DRAXIN: variants seen among roughly 807,000 people sequenced by gnomAD.
DRAXIN encodes the protein dorsal repulsive axon guidance protein.
Under a neutral mutation model 33.9 loss-of-function variants are expected in DRAXIN, and 27 were observed. The observed-to-expected ratio is 0.80, with a 90% CI of 0.59 to 1.10. The LOEUF is 1.10. DRAXIN is among the 50% of genes least tolerant of loss of function. The pLI is 0.00. For synonymous variants in DRAXIN, 178 were observed against 194.0 expected, an observed-to-expected ratio of 0.92 and a Z score of 0.69; for missense variants, 371 against 460.8, an observed-to-expected ratio of 0.81 and a Z score of 1.78.
At position 11,722,136 on chromosome 1, in the gene DRAXIN, A is replaced by C. The variant is rs1557695632; in HGVS notation, c.*2440A>C. ...GACTCCAAAAATATAAAACACTTAA[A>C]AATGTAAAAAGGCAGATCTGCCAGC... On this transcript the variant is annotated 3_prime_UTR_variant, in exon 7 of 7. Transcript: ENST00000294485. 6.6e-6 allele frequency: 1 copy of C among 152,162 alleles called. No individual in the cohort carries two copies. The highest frequency in any genetic ancestry group is 1.5e-5 in the Non-Finnish European group (1 of 68,042). 9.4% of individuals were successfully genotyped at this position (152,162 alleles called of 1,614,324 possible). A position where few individuals can be genotyped will look rare whatever the true frequency, so the allele number is the denominator to read the frequency against.
chr1:11,701,297 C>T (rs1641270735), intron 1 of DRAXIN, among the ~76,000 whole-genome samples: 1 of 152,188 alleles, frequency 6.6e-6, no homozygotes, highest in Middle Eastern at 3.2e-3. Context: ...GAACCCCGGC[C>T]TTGAGATGGG....
In DRAXIN at chr1:11,724,864, A is replaced by G. The variant is rs1393329559; in HGVS notation, c.*5168A>G. The G allele has an allele frequency of 6.6e-6, 1 of 152,324 alleles. No individual in the cohort carries two copies. The highest frequency in any genetic ancestry group is 1.5e-5 in the Non-Finnish European group (1 of 68,094). 9.4% of individuals were successfully genotyped at this position (152,324 alleles called of 1,614,324 possible). ...GTGATAGTCTTCACTCTGACAGGCAATGGTGACTGTGTGTGTTTCCTGGGG... is the reference window on the plus strand; with the variant it reads ...GTGATAGTCTTCACTCTGACAGGCAGTGGTGACTGTGTGTGTTTCCTGGGG... On this transcript the variant is annotated 3_prime_UTR_variant, in exon 7 of 7. Transcript: ENST00000294485.
chr1:11,695,025 C>A (rs576835949), intron 1 of DRAXIN, among the ~76,000 whole-genome samples: 1 of 152,314 alleles, frequency 6.6e-6, no homozygotes, highest in Admixed American at 6.5e-5. Flanking sequence ...GTGTACCAGG[C>A]TCTGGGTCAG....
chr1:11,701,514 C>T (rs752842026), intron 1 of DRAXIN, among the ~76,000 whole-genome samples: 3 of 152,192 alleles, frequency 2.0e-5, no homozygotes, highest in Admixed American at 6.5e-5. Context: ...CCTACAATTA[C>T]GATTGCTTTT....
Position 11,711,837 on chromosome 1 carries a change from T to C in DRAXIN, c.643-14T>C. The C allele has an allele frequency of 6.2e-7, 1 of 1,606,558 alleles. No homozygotes were observed. The highest frequency in any genetic ancestry group is 8.5e-7 in the Non-Finnish European group (1 of 1,175,810). The stretch of plus-strand genomic sequence containing the variant: ...TTTGAAGGTTCCAACATCCCCCTTC[T>C]CCACGGTCTCCAGCAGGCACAGCCC... On this transcript the variant is annotated splice_polypyrimidine_tract_variant and intron_variant, in intron 3 of 6. Transcript: ENST00000294485.
intron 5 of DRAXIN, among the ~76,000 whole-genome samples, chr1:11,713,181 A>C (rs903276286): frequency 3.4e-5 from 5 of 145,914 alleles, no homozygotes; most frequent in African/African-American, 8.0e-5. Flanking sequence ...CTGGGCAATA[A>C]GAGTGAAATT....
In DRAXIN at chr1:11,712,016, G is replaced by A. The variant is rs545061376; in HGVS notation, c.757+51G>A. On this transcript the variant is annotated intron_variant, in intron 4 of 6. Transcript: ENST00000294485. Reference sequence around the variant, plus strand: ...CCATGCCTGGGTGCCCTGCCCTCCCGCACCATCTGTTGAGGTGGGGGCCCC... The same window carrying A: ...CCATGCCTGGGTGCCCTGCCCTCCCACACCATCTGTTGAGGTGGGGGCCCC... 3.0e-5 allele frequency: 47 copies of A among 1,542,054 alleles called. No individual in the cohort carries two copies. The African/African-American group carries it at 3.1e-4, about 10-fold the overall frequency.
chr1:11,686,913 A>G (rs1402025085), upstream of DRAXIN, among the ~76,000 whole-genome samples: 1 of 152,038 alleles, frequency 6.6e-6, no homozygotes, highest in Non-Finnish European at 1.5e-5. Flanking sequence ...GTATAGTTAC[A>G]ATGTTGTACA....
chr1:11,720,658 G>C lies in DRAXIN; in HGVS notation c.*962G>C, dbSNP rs1450308564. On this transcript the variant is annotated 3_prime_UTR_variant, in exon 7 of 7. Transcript: ENST00000294485. The stretch of plus-strand genomic sequence containing the variant: ...CTCTGTGCTCTAACAAGCTCCCAGG[G>C]AACGCGAGGCTGCTGGCCCAGGGAC... The C allele has an allele frequency of 6.6e-6, 1 of 150,942 alleles. No homozygotes were observed. The highest frequency in any genetic ancestry group is 2.0e-4 in the East Asian group (1 of 5,128). The allele number at this position is 150,942 out of a possible 1,614,324, so 9.4% of individuals were successfully genotyped here.
chr1:11,706,450 G>A lies in DRAXIN; in HGVS notation c.192G>A (p.Lys64=), dbSNP rs117017656. Residue 64 remains lysine (K), a synonymous_variant, in exon 2 of 7, where the codon AAG becomes AAA. Coordinates refer to ENST00000294485, the MANE Select transcript of DRAXIN (RefSeq NM_198545.4). The surrounding 1 kb of genome is among the most constrained non-coding windows in gnomAD (Gnocchi z 5.5). ...ASHHRRRGPG[K]KEWGPGLPSQ... is the part of the protein sequence containing the mutation. ...ACCACCGCCGGCGGGGCCCGGGCAA[G>A]AAGGAGTGGGGCCCAGGCCTGCCCA... The A allele has an allele frequency of 1.9e-3, 3,055 of 1,611,266 alleles. 104 individuals are homozygous for A. The East Asian group carries it at 0.052, about 27-fold the overall frequency.
chr1:11,714,372 CA>C (rs948424443), intron 5 of DRAXIN, among the ~76,000 whole-genome samples: 2 of 152,212 alleles, frequency 1.3e-5, no homozygotes, highest in African/African-American at 4.8e-5. Context: ...CCGTGCTGAG[CA>C]GAAATGGCTG....
At chr1:11,711,252 G>A (rs1183013273) in intron 3 of DRAXIN, among the ~76,000 whole-genome samples, 1 of 152,232 alleles carries the variant, frequency 6.6e-6, no homozygotes, top group Non-Finnish European at 1.5e-5. Flanking sequence ...ATGGTTATCC[G>A]TCTTATCATC....
rs1314478725 is a variant in DRAXIN at position 11,694,985 on chromosome 1, G to T, written c.-11+3132G>T. Among the ~76,000 whole-genome samples, 1 of 152,188 alleles carries T rather than the reference G, an allele frequency of 6.6e-6. No individual in the cohort carries two copies. Among genetic ancestry groups the T allele is most frequent in the Non-Finnish European group, 1.5e-5 (1 of 68,026 alleles). ...TGCTAGAACCCAGAGCAACTGGAAG[G>T]AGCTCATTGCAGGACTTAATGGTTT... On this transcript the variant is annotated intron_variant, in intron 1 of 6. Coordinates refer to ENST00000294485, the MANE Select transcript of DRAXIN (RefSeq NM_198545.4). This position sits in a 1 kb window ranked among gnomAD's most constrained non-coding sequence, Gnocchi z 4.9.
At chr1:11,703,590 A>G (rs1163283382) in intron 1 of DRAXIN, among the ~76,000 whole-genome samples, 1 of 152,192 alleles carries the variant, frequency 6.6e-6, no homozygotes, top group African/African-American at 2.4e-5. Flanking sequence ...GGAGCCATAG[A>G]CAGTTTTGAG....
At chr1:11,716,414 T>C (rs1160760562) in intron 6 of DRAXIN, among the ~76,000 whole-genome samples, 1 of 152,170 alleles carries the variant, frequency 6.6e-6, no homozygotes, top group Non-Finnish European at 1.5e-5. Flanking sequence ...AAAAACAAAA[T>C]GCCAAACATG....
intron 3 of DRAXIN, among the ~76,000 whole-genome samples, chr1:11,710,603 C>T (rs906085632): frequency 6.6e-5 from 10 of 152,062 alleles, no homozygotes; most frequent in Non-Finnish European, 1.0e-4. Flanking sequence ...ATCGTTCTTG[C>T]ACCTCTTCTG....
In DRAXIN at chr1:11,696,819, G is replaced by A. The variant is rs529002570; in HGVS notation, c.-11+4966G>A. On this transcript the variant is annotated intron_variant, in intron 1 of 6. Transcript: ENST00000294485. This position sits in a 1 kb window ranked among gnomAD's most constrained non-coding sequence, Gnocchi z 4.7. ...CCTGGTTTCAGTGAGCCAAGATCGCGCCACTGCACTCCAGCCTGGTGACAG... is the reference window on the plus strand; with the variant it reads ...CCTGGTTTCAGTGAGCCAAGATCGCACCACTGCACTCCAGCCTGGTGACAG... Among the ~76,000 whole-genome samples the A allele has an allele frequency of 6.6e-6, 1 of 151,888 alleles. No individual in the cohort carries two copies. Among genetic ancestry groups the A allele is most frequent in the Non-Finnish European group, 1.5e-5 (1 of 67,940 alleles).
At chr1:11,688,090 T>C (rs1023133941), upstream of DRAXIN, among the ~76,000 whole-genome samples, 1 of 152,160 alleles carries the variant, frequency 6.6e-6, no homozygotes, top group Non-Finnish European at 1.5e-5. This position sits in a 1 kb window ranked among gnomAD's most constrained non-coding sequence, Gnocchi z 4.6. Flanking sequence ...TCCAAGGTTT[T>C]TCTCCTGGCT....
At chr1:11,712,543 G>A (rs1570317711) in intron 5 of DRAXIN, 114 bp downstream of exon 5, 3 of 1,004,480 alleles carry the variant, frequency 3.0e-6, no homozygotes, top group Non-Finnish European at 4.5e-6. Flanking sequence ...CTTCATGGAT[G>A]ATAAATAATA....
Sources: gnomAD v4.1 joint callset for allele counts (sites outside exome capture counted in the v4.1 genomes callset) on GRCh38, gnomAD v4.1.1 for gene constraint, Gnocchi (gnomAD v3.1) non-coding constraint, MANE v1.5 for transcripts, NCBI Gene and HGNC (gene_info 2026-07-23, HGNC 2026-07-21) for gene names.